AUTS2: variants seen among roughly 807,000 people sequenced by gnomAD.
AUTS2 encodes activator of transcription and developmental regulator AUTS2.
AUTS2 carries 17 observed loss-of-function variants against 112.4 expected under a neutral mutation model. The ratio of observed to expected loss-of-function variants is 0.15; its 90% confidence interval spans 0.10 to 0.23. AUTS2 has a LOEUF of 0.23. Among genes scored for constraint, AUTS2 ranks in the 10% least tolerant of loss-of-function variants. The pLI is 1.00. For synonymous variants in AUTS2, 751 were observed against 702.7 expected, an observed-to-expected ratio of 1.07 and a Z score of -1.09; for missense variants, 1,510 against 1,701.6, an observed-to-expected ratio of 0.89 and a Z score of 1.98.
intron 6 of AUTS2, among the ~76,000 whole-genome samples, chr7:70,724,326 C>G (rs9638591): frequency 0.75 from 113,675 of 151,924 alleles, 42,692 homozygotes; most frequent in East Asian, 0.94. Context: ...TGCAGGTGTA[C>G]AAAACTAATA....
At position 70,002,764 on chromosome 7, in the gene AUTS2, G is replaced by C. The variant is rs143563134; in HGVS notation, c.522+103266G>C. ...TACCGGACTGTACTTTGTATTTGGGGAAGAGGGGATAGAAACATTGAAGGT... is the reference window on the plus strand; with the variant it reads ...TACCGGACTGTACTTTGTATTTGGGCAAGAGGGGATAGAAACATTGAAGGT... On this transcript the variant is annotated intron_variant, in intron 2 of 18. Coordinates refer to ENST00000342771, the MANE Select transcript of AUTS2 (RefSeq NM_015570.4). 7.4e-4 allele frequency among the ~76,000 whole-genome samples: 113 copies of C among 152,164 alleles called. No homozygotes were observed. The East Asian group carries it at 0.012, about 17-fold the overall frequency.
At chr7:70,337,185 T>C (rs1285687936) in intron 4 of AUTS2, among the ~76,000 whole-genome samples, 1 of 152,224 alleles carries the variant, frequency 6.6e-6, no homozygotes, top group Non-Finnish European at 1.5e-5. Flanking sequence ...CAGATTCGCT[T>C]ATGCTGCTCT....
At chr7:69,808,194 G>C (rs1360214734) in intron 1 of AUTS2, among the ~76,000 whole-genome samples, 1 of 152,072 alleles carries the variant, frequency 6.6e-6, no homozygotes, top group Non-Finnish European at 1.5e-5. Context: ...TCCCAAAGTG[G>C]GGATTACAGG....
At chr7:70,047,141 A>G (rs1231337487) in intron 2 of AUTS2, among the ~76,000 whole-genome samples, 1 of 152,216 alleles carries the variant, frequency 6.6e-6, no homozygotes, top group Non-Finnish European at 1.5e-5. Context: ...TACCCCATGG[A>G]ATATAATCTT....
intron 4 of AUTS2, among the ~76,000 whole-genome samples, chr7:70,172,649 A>G (rs1339658059): frequency 6.6e-6 from 1 of 152,108 alleles, no homozygotes; most frequent in Admixed American, 6.5e-5. Context: ...TTCTTTCCCT[A>G]TGCACTTTTG....
intron 1 of AUTS2, among the ~76,000 whole-genome samples, chr7:69,677,648 T>C (rs1796617605): frequency 6.6e-6 from 1 of 152,214 alleles, no homozygotes; most frequent in Admixed American, 6.5e-5. Flanking sequence ...GTCACCAGTT[T>C]TTATTTTGGT....
At chr7:69,872,834 CTTTTTTTTTTTTTTTTTT>C (rs1164356683) in intron 1 of AUTS2, among the ~76,000 whole-genome samples, 1 of 70,406 alleles carries the variant, frequency 1.4e-5, no homozygotes, top group Non-Finnish European at 2.6e-5. Context: ...AGCCTATATT[CTTTTTTTTTTTTTTTTTT>C]TTTTTTTTGA....
intron 1 of AUTS2, among the ~76,000 whole-genome samples, chr7:69,884,881 GTTTA>G (rs2129538252): frequency 6.6e-6 from 1 of 152,332 alleles, no homozygotes; most frequent in East Asian, 1.9e-4. Context: ...AGCTTGAGGA[GTTTA>G]TTTGGTCTAT....
chr7:70,157,096 G>T (rs1807820195), intron 4 of AUTS2, among the ~76,000 whole-genome samples: 1 of 151,178 alleles, frequency 6.6e-6, no homozygotes, highest in Non-Finnish European at 1.5e-5. Context: ...AAAAAAGCAA[G>T]TGAAATTGAC....
At chr7:70,161,049 G>T (rs771323152) in intron 4 of AUTS2, among the ~76,000 whole-genome samples, 3 of 152,134 alleles carry the variant, frequency 2.0e-5, no homozygotes, top group Non-Finnish European at 4.4e-5. Flanking sequence ...CTATTTCCGT[G>T]GGAATTAGGC....
chr7:70,732,808 C>T (rs116777948), intron 6 of AUTS2, among the ~76,000 whole-genome samples: 4,107 of 152,284 alleles, frequency 0.027, 215 homozygotes, highest in African/African-American at 0.091. Flanking sequence ...AATTGGTAAT[C>T]GTACTGAAGT....
intron 5 of AUTS2, among the ~76,000 whole-genome samples, chr7:70,618,722 CAGAGAG>C (rs34608343): frequency 2.6e-5 from 4 of 151,430 alleles, no homozygotes; most frequent in Middle Eastern, 3.4e-3. Context: ...AGGGGACAGA[CAGAGAG>C]AGAGAAAGAG....
At chr7:70,439,538 CAAAAAAAAAAA>C (rs71077657) in intron 5 of AUTS2, among the ~76,000 whole-genome samples, 18 of 73,294 alleles carry the variant, frequency 2.5e-4, no homozygotes, top group African/African-American at 7.3e-4. Context: ...GACTCCATCT[CAAAAAAAAAAA>C]AAAAAAAAAA....
At chr7:69,791,415 A>T (rs1009885505) in intron 1 of AUTS2, among the ~76,000 whole-genome samples, 12 of 152,240 alleles carry the variant, frequency 7.9e-5, no homozygotes, top group Admixed American at 3.9e-4. Context: ...AATATAGCAC[A>T]GTAATTATAT....
chr7:69,981,238 G>A (rs1422703361), intron 2 of AUTS2, among the ~76,000 whole-genome samples: 1 of 152,146 alleles, frequency 6.6e-6, no homozygotes. Context: ...AGTATTCATT[G>A]GCTATGAAAT....
intron 2 of AUTS2, among the ~76,000 whole-genome samples, chr7:69,910,735 C>T (rs1297768936): frequency 2.0e-5 from 3 of 152,190 alleles, no homozygotes; most frequent in Non-Finnish European, 4.4e-5. Flanking sequence ...TTAAGCGATC[C>T]TCCTGCCTCA....
chr7:70,172,492 C>G (rs1337357599), intron 4 of AUTS2, among the ~76,000 whole-genome samples: 14 of 152,300 alleles, frequency 9.2e-5, no homozygotes, highest in Admixed American at 2.6e-4. Context: ...GGTTCTTTTT[C>G]TAGCTAGAGT....
intron 4 of AUTS2, among the ~76,000 whole-genome samples, chr7:70,371,477 C>T (rs1258933304): frequency 6.6e-6 from 1 of 152,214 alleles, no homozygotes; most frequent in African/African-American, 2.4e-5. Context: ...TTGCAGTGTG[C>T]AGTCTTCTCC....
chr7:69,609,825 A>C (rs550810194), intron 1 of AUTS2, among the ~76,000 whole-genome samples: 6 of 152,334 alleles, frequency 3.9e-5, no homozygotes, highest in Admixed American at 3.9e-4. Flanking sequence ...ACTGTTTCTC[A>C]TGTGTATGTA....
Sources: allele counts gnomAD v4.1 joint callset (sites outside exome capture counted in the v4.1 genomes callset), GRCh38; gene constraint gnomAD v4.1.1; transcripts MANE v1.5; gene names NCBI Gene and HGNC (gene_info 2026-07-23, HGNC 2026-07-21).